The following GGT5 variants were observed in gnomAD, a reference collection of about 807,000 sequenced individuals.
GGT5 encodes the protein glutathione hydrolase 5 proenzyme.
Under a neutral mutation model 58.1 loss-of-function variants are expected in GGT5, and 50 were observed. The ratio of observed to expected loss-of-function variants is 0.86; its 90% CI spans 0.69 to 1.09. The LOEUF (loss-of-function observed/expected upper bound fraction) is 1.09. GGT5 is among the 50% of genes least tolerant of loss of function. The pLI is 0.00. For synonymous variants in GGT5, 370 were observed against 346.1 expected (o/e 1.07, Z -0.77); for missense variants, 800 against 789.4 (o/e 1.01, Z -0.16).
At chr22:24,231,598 G>C (rs1023159474) in intron 5 of GGT5, 68 bp from the exon 6 acceptor site, 31 of 1,468,806 alleles carry the variant, frequency 2.1e-5, no homozygotes, top group Middle Eastern at 1.7e-4. Context: ...AGCCACTGCT[G>C]TCAGGTCACA....
chr22:24,237,670 G>A (rs2048139051), intron 1 of GGT5, among the ~76,000 whole-genome samples: 1 of 151,834 alleles, frequency 6.6e-6, no homozygotes, highest in Non-Finnish European at 1.5e-5. Flanking sequence ...GCCTCCCAAA[G>A]TGCTGGGATT....
At chr22:24,229,185 C>T (rs890586813) in intron 6 of GGT5, among the ~76,000 whole-genome samples, 3 of 151,998 alleles carry the variant, frequency 2.0e-5, no homozygotes, top group African/African-American at 7.2e-5. Context: ...AGGCAGATCA[C>T]CTGAGGTCAG....
intron 1 of GGT5, among the ~76,000 whole-genome samples, chr22:24,238,780 ATATATAT>A (rs1427823742): frequency 1.1e-4 from 2 of 18,430 alleles, no homozygotes; most frequent in Non-Finnish European, 1.7e-4. Flanking sequence ...TATATATATA[ATATATAT>A]TATATATTTA....
chr22:24,222,838 G>C (rs905336234), intron 11 of GGT5, among the ~76,000 whole-genome samples: 12 of 152,320 alleles, frequency 7.9e-5, no homozygotes, highest in Admixed American at 3.3e-4. Flanking sequence ...AGCACTTTGG[G>C]AGGCCAAGGC....
At position 24,226,942 on chromosome 22, in the gene GGT5, ATTT is replaced by A. The variant is rs34544519; in HGVS notation, c.902-178_902-176del. On this transcript the variant is annotated intron_variant, in intron 6 of 11. Transcript: ENST00000327365. ...CCTTAAGTGGAAAAGTAAGTTAAGG[ATTT>A]TTTTTTTTTTTTTTTTTTTTTTAGA... 5.9e-4 allele frequency among the ~76,000 whole-genome samples: 65 copies of A among 109,266 alleles called. 1 individual carries two copies. The South Asian group carries it at 0.011, about 18-fold the overall frequency. 71.7% of individuals were successfully genotyped at this position (109,266 alleles called of 152,430 possible). A position where few individuals can be genotyped will look rare whatever the true frequency, so the allele number is the denominator to read the frequency against.
chr22:24,237,499 C>T (rs539592801), intron 1 of GGT5, among the ~76,000 whole-genome samples: 2 of 152,226 alleles, frequency 1.3e-5, no homozygotes, highest in East Asian at 1.9e-4. Context: ...ACCTTCACCT[C>T]CTGGGTTCAA....
chr22:24,229,836 G>A (rs1056518960), intron 6 of GGT5, among the ~76,000 whole-genome samples: 1 of 148,670 alleles, frequency 6.7e-6, no homozygotes, highest in African/African-American at 2.5e-5. Context: ...GGGCCACAGA[G>A]TGAGATTCCA....
intron 7 of GGT5, 88 bp downstream of exon 7, chr22:24,226,541 TCC>T: frequency 7.2e-7 from 1 of 1,389,160 alleles, no homozygotes; most frequent in East Asian, 2.3e-5. Context: ...CCCTCCAACT[TCC>T]CCCTACCAGG....
intron 6 of GGT5, among the ~76,000 whole-genome samples, chr22:24,230,629 A>T (rs1479204194): frequency 6.6e-6 from 1 of 152,164 alleles, no homozygotes; most frequent in East Asian, 1.9e-4. Flanking sequence ...CATTGATTGT[A>T]AACAAAAAAG....
At position 24,233,298 on chromosome 22, in the gene GGT5, T is replaced by C. The variant is rs550116663; in HGVS notation, c.400+200A>G. 2.6e-5 allele frequency among the ~76,000 whole-genome samples: 4 copies of C among 152,324 alleles called. No homozygotes were observed. The East Asian group carries it at 5.8e-4, about 22-fold the overall frequency. ...CTTTGTCCAGCCTGGTCCCTCTCCC[T>C]GGATCACCTCAGAGAGCCCGTTCCC... On this transcript the variant is annotated intron_variant, in intron 3 of 11. Coordinates refer to ENST00000327365, the MANE Select transcript of GGT5 (RefSeq NM_004121.5).
intron 1 of GGT5, among the ~76,000 whole-genome samples, chr22:24,236,874 A>T (rs905379708): frequency 4.0e-5 from 6 of 151,392 alleles, no homozygotes; most frequent in African/African-American, 1.5e-4. Flanking sequence ...AATAGAAAAC[A>T]TGTGCTTAAA....
In GGT5 at chr22:24,226,621, G is replaced by A; in HGVS notation, c.1038+10C>T. 2 of 1,613,744 alleles carry A rather than the reference G, an allele frequency of 1.2e-6. No homozygotes were observed. The highest frequency in any genetic ancestry group is 1.7e-6 in the Non-Finnish European group (2 of 1,179,750). Reference sequence around the variant, plus strand: ...ACGGCCCACCAGCCCAGCAACCTCAGCAACCTCACCTGGAGCTTCGGGTGG... The same window carrying A: ...ACGGCCCACCAGCCCAGCAACCTCAACAACCTCACCTGGAGCTTCGGGTGG... On this transcript the variant is annotated intron_variant, in intron 7 of 11. Coordinates refer to ENST00000327365, the MANE Select transcript of GGT5 (RefSeq NM_004121.5).
chr22:24,231,219 A>T (rs2047927021), intron 6 of GGT5, among the ~76,000 whole-genome samples, 165 bp downstream of exon 6: 1 of 151,550 alleles, frequency 6.6e-6, no homozygotes, highest in African/African-American at 2.4e-5. Flanking sequence ...CACCATCCTG[A>T]TTGGTTTCCA....
rs912370050 is a variant in GGT5, at chr22:24,234,101, G to A, written c.174-97C>T. 8.0e-6 allele frequency: 10 copies of A among 1,250,914 alleles called. No individual in the cohort carries two copies. In the Admixed American group the frequency reaches 2.1e-4, roughly 26 times the overall value. The allele number at this position is 1,250,914 out of a possible 1,614,324, so 77.5% of individuals were successfully genotyped here. A position where few individuals can be genotyped will look rare whatever the true frequency, so the allele number is the denominator to read the frequency against. ...CACTCATTGGAGAATGGTGACGGAGGCGGCACGTCGGCTGCCACCAAACCG... is the reference window on the plus strand; with the variant it reads ...CACTCATTGGAGAATGGTGACGGAGACGGCACGTCGGCTGCCACCAAACCG... On this transcript the variant is annotated intron_variant, in intron 1 of 11. Coordinates refer to ENST00000327365, the MANE Select transcript of GGT5 (RefSeq NM_004121.5).
Position 24,226,113 on chromosome 22 carries a change from C to T in GGT5, c.1192G>A (p.Gly398Ser), listed in dbSNP as rs1319199360. 6.2e-7 allele frequency: 1 copy of T among 1,606,044 alleles called. No individual in the cohort carries two copies. Among genetic ancestry groups the T allele is most frequent in the African/African-American group, 1.3e-5 (1 of 74,860 alleles). Residue 398 changes from glycine (G) to serine (S), a missense_variant, in exon 8 of 12, where the codon GGC becomes AGC. By Grantham distance (56) the Gly-to-Ser change is moderately conservative (BLOSUM62 0). Transcript: ENST00000327365. The stretch of plus-strand genomic sequence containing the variant: ...GTGCTGGTGGCAGCCACGGCGCTGC[C>T]ATCCTCCCCCAGCACAGACACATGG... Reference protein sequence around the residue: ...TSHVSVLGEDGSAVAATSTIN... With the variant: ...TSHVSVLGEDSSAVAATSTIN...
intron 11 of GGT5, chr22:24,220,677 C>T (rs1174373124): frequency 6.6e-6 from 3 of 455,376 alleles, no homozygotes; most frequent in African/African-American, 6.0e-5. Context: ...GGCAGGATCA[C>T]TTGAGGCCAG....
chr22:24,232,739 C>T, intron 4 of GGT5, 84 bp downstream of exon 4: 1 of 952,574 alleles, frequency 1.0e-6, no homozygotes, highest in Non-Finnish European at 1.5e-6. Flanking sequence ...GTAAGAGGGA[C>T]TGAGGCAGAG....
chr22:24,233,080 C>A, intron 3 of GGT5, 62 bp from the exon 4 acceptor site: 1 of 1,263,950 alleles, frequency 7.9e-7, no homozygotes. Context: ...TTTGCCATCA[C>A]CCCTACATGT....
intron 2 of GGT5, 58 bp downstream of exon 2, chr22:24,233,816 G>A (rs111883736): frequency 2.0e-6 from 3 of 1,527,740 alleles, no homozygotes; most frequent in South Asian, 1.1e-5. Flanking sequence ...TGGAGAAGGG[G>A]TTACGCAGTG....
Sources: gnomAD v4.1 joint callset for allele counts (sites outside exome capture counted in the v4.1 genomes callset) on GRCh38, gnomAD v4.1.1 for gene constraint, MANE v1.5 for transcripts, NCBI Gene and HGNC (gene_info 2026-07-23, HGNC 2026-07-21) for gene names.